TMEM254: variants seen among roughly 807,000 people sequenced by gnomAD.
The protein encoded by TMEM254 is transmembrane protein 254, also known as transmembrane protein C10orf57.
In TMEM254, 16 loss-of-function variants were observed where a neutral mutation model predicts 13.9. That is an observed-to-expected ratio of 1.15 (90% confidence interval 0.78 to 1.75). The LOEUF (loss-of-function observed/expected upper bound fraction) is 1.75, where lower values mean the gene tolerates loss of function less well. Ranked by LOEUF, TMEM254 falls within the 40% of genes most tolerant of loss-of-function variation. TMEM254 has a pLI of 0.00. For synonymous variants in TMEM254, 61 were observed against 56.4 expected (o/e 1.08, Z -0.36); for missense variants, 155 against 149.0 (o/e 1.04, Z -0.21).
At chr10:80,086,746 C>T (rs1172880640) in intron 3 of TMEM254, among the ~76,000 whole-genome samples, 1 of 149,798 alleles carries the variant, frequency 6.7e-6, no homozygotes, top group Non-Finnish European at 1.5e-5. Context: ...GAGGCTGAGG[C>T]AGGAGAATCA....
At chr10:80,083,591 T>G (rs1243674824) in intron 3 of TMEM254, among the ~76,000 whole-genome samples, 1 of 152,218 alleles carries the variant, frequency 6.6e-6, no homozygotes, top group African/African-American at 2.4e-5. Context: ...AGTCTATTGT[T>G]AAAACTATAA....
chr10:80,083,849 G>A (rs1844176719), intron 3 of TMEM254, among the ~76,000 whole-genome samples: 1 of 152,022 alleles, frequency 6.6e-6, no homozygotes, highest in East Asian at 1.9e-4. Context: ...GGCCAAGGTG[G>A]GCAGATCATT....
chr10:80,082,822 A>G (rs1236426081), intron 3 of TMEM254, among the ~76,000 whole-genome samples: 1 of 152,228 alleles, frequency 6.6e-6, no homozygotes, highest in African/African-American at 2.4e-5. Flanking sequence ...ATATACAGAA[A>G]GTATGGTACA....
intron 3 of TMEM254, 24 bp downstream of exon 3, chr10:80,082,228 G>A (rs1844074822): frequency 1.2e-6 from 2 of 1,613,262 alleles, no homozygotes. Context: ...GTAGGTGTTT[G>A]TTGCCTTTCT....
In TMEM254 at chr10:80,092,442, C is replaced by T. The variant is rs1320818791; in HGVS notation, c.*1525C>T. ...AAATTCAAACCAGATTTCTTAATAC[C>T]TGGTCTTCCTCAAAGAGAAATAATA... is the stretch of plus-strand genomic sequence containing the variant. On this transcript the variant is annotated 3_prime_UTR_variant, in exon 4 of 4. Transcript: ENST00000372281. The T allele has an allele frequency of 1.3e-5, 2 of 152,120 alleles. No homozygotes were observed. Among genetic ancestry groups the T allele is most frequent in the Non-Finnish European group, 2.9e-5 (2 of 68,022 alleles). The allele number at this position is 152,120 out of a possible 1,614,324, so 9.4% of individuals were successfully genotyped here.
rs761233133 is a variant in TMEM254, at chr10:80,079,199, G to A, written c.87+413G>A. 1.2e-5 allele frequency: 15 copies of A among 1,284,370 alleles called. No homozygotes were observed. In the South Asian group the frequency reaches 1.4e-4, roughly 12 times the overall value. The allele number at this position is 1,284,370 out of a possible 1,614,324, so 79.6% of individuals were successfully genotyped here. On this transcript the variant is annotated intron_variant, in intron 1 of 3. Transcript: ENST00000372281. The stretch of plus-strand genomic sequence containing the variant: ...GCTACTTCGCGGTGAGGCGTGGGGT[G>A]GGGCGGGGCGGGCCTCTGTTTTGGC...
rs770778378 is a variant in TMEM254, at chr10:80,079,602, G to T, written c.87+816G>T. ...TAACTGTTCTGACATAGGTGTGGAA[G>T]CAAGAAGAAAGCTGTACCTAGAAAA... On this transcript the variant is annotated intron_variant, in intron 1 of 3. Transcript: ENST00000372281. The T allele has an allele frequency of 1.1e-4, 113 of 987,718 alleles. No homozygotes were observed. The African/African-American group carries it at 1.8e-3, about 16-fold the overall frequency. 61.2% of individuals were successfully genotyped at this position (987,718 alleles called of 1,614,324 possible).
At chr10:80,086,309 G>A (rs1844311328) in intron 3 of TMEM254, 2 of 1,374,976 alleles carry the variant, frequency 1.5e-6, no homozygotes, top group South Asian at 1.7e-5. Flanking sequence ...CCTTCTCCGG[G>A]TTACCTAGCC....
In TMEM254 at chr10:80,091,021, G is replaced by C; in HGVS notation, c.*104G>C. On this transcript the variant is annotated 3_prime_UTR_variant, in exon 4 of 4. Coordinates refer to ENST00000372281, the MANE Select transcript of TMEM254 (RefSeq NM_025125.4). ...TACTCAGTGATCTTTCTACTTTCTA[G>C]AAACTGTCCTTCAAAGCTCTTTAAG... 6.9e-7 allele frequency: 1 copy of C among 1,459,628 alleles called. No individual in the cohort carries two copies. Among genetic ancestry groups the C allele is most frequent in the Non-Finnish European group, 9.2e-7 (1 of 1,087,942 alleles). The allele number at this position is 1,459,628 out of a possible 1,614,324, so 90.4% of individuals were successfully genotyped here.
intron 3 of TMEM254, chr10:80,086,336 C>T: frequency 1.8e-6 from 2 of 1,114,190 alleles, no homozygotes; most frequent in African/African-American, 1.6e-5. Flanking sequence ...TGTGACCCTT[C>T]TGAAGGAGGA....
In TMEM254 at chr10:80,090,979, G is replaced by C; in HGVS notation, c.*62G>C. On this transcript the variant is annotated 3_prime_UTR_variant, in exon 4 of 4. Transcript: ENST00000372281. ...TCCTCACCCTTTTTTTTGTGGGGTAGAGGAGGTGCAGTAATTTACTCAGTG... is the reference window on the plus strand; with the variant it reads ...TCCTCACCCTTTTTTTTGTGGGGTACAGGAGGTGCAGTAATTTACTCAGTG... 6.3e-7 allele frequency: 1 copy of C among 1,583,740 alleles called. No individual in the cohort carries two copies. The highest frequency in any genetic ancestry group is 8.6e-7 in the Non-Finnish European group (1 of 1,166,858).
At chr10:80,078,956 A>T (rs1343867344) in intron 1 of TMEM254, 170 bp downstream of exon 1, 1 of 1,534,716 alleles carries the variant, frequency 6.5e-7, no homozygotes, top group East Asian at 2.5e-5. Context: ...GAGAGCAAGC[A>T]TACTGGTCCG....
intron 3 of TMEM254, among the ~76,000 whole-genome samples, chr10:80,083,513 T>TA (rs1388333450): frequency 6.6e-6 from 1 of 152,172 alleles, no homozygotes; most frequent in Non-Finnish European, 1.5e-5. Context: ...TTCCACCGTA[T>TA]CTCTGGATGG....
chr10:80,087,004 A>G (rs1295039112), intron 3 of TMEM254, among the ~76,000 whole-genome samples: 5 of 151,906 alleles, frequency 3.3e-5, no homozygotes, highest in South Asian at 2.1e-4. Flanking sequence ...GTCTCACTCT[A>G]TTGCCCAGGC....
intron 3 of TMEM254, among the ~76,000 whole-genome samples, chr10:80,086,782 A>G (rs1844337053): frequency 6.6e-6 from 1 of 150,792 alleles, no homozygotes; most frequent in African/African-American, 2.4e-5. Context: ...TGGAGGTTGC[A>G]GTGAGCCGAG....
Position 80,082,386 on chromosome 10 carries a change from A to G in TMEM254, c.251+182A>G, listed in dbSNP as rs113807434. ...TACCCAGTAAATGTTTGATGAATGC[A>G]TTCATTTTGTTTATGTTGGTTAACC... On this transcript the variant is annotated intron_variant, in intron 3 of 3. Coordinates refer to ENST00000372281, the MANE Select transcript of TMEM254 (RefSeq NM_025125.4). 7.7e-4 allele frequency among the ~76,000 whole-genome samples: 118 copies of G among 152,310 alleles called. 2 individuals carry two copies. The highest frequency in any genetic ancestry group is 2.4e-3 in the African/African-American group (100 of 41,564).
chr10:80,079,430 A>G (rs1269081716), intron 1 of TMEM254: 1 of 1,084,700 alleles, frequency 9.2e-7, no homozygotes, highest in African/African-American at 1.7e-5. Flanking sequence ...CGAAGCGGAA[A>G]GTCAAGTTAA....
chr10:80,089,340 A>G (rs1170704048), intron 3 of TMEM254, among the ~76,000 whole-genome samples: 2 of 152,072 alleles, frequency 1.3e-5, no homozygotes, highest in Non-Finnish European at 2.9e-5. Flanking sequence ...AGGAAGTTCC[A>G]TTGTATTTCT....
At chr10:80,079,756 A>T in intron 1 of TMEM254, 2 of 961,720 alleles carry the variant, frequency 2.1e-6, no homozygotes, top group Non-Finnish European at 2.5e-6. Flanking sequence ...TCTGTCACCC[A>T]GGCTGGAGTG....
Sources: allele counts gnomAD v4.1 joint callset (sites outside exome capture counted in the v4.1 genomes callset), GRCh38; gene constraint gnomAD v4.1.1; transcripts MANE v1.5; gene names NCBI Gene and HGNC (gene_info 2026-07-23, HGNC 2026-07-21).